Variants in DIP2C observed in about 807,000 individuals in gnomAD.
DIP2C encodes DIP2 acetate--CoA ligase C (putative).
In DIP2C, 33 loss-of-function variants were observed where a neutral mutation model predicts 192.4. That is an observed-to-expected ratio of 0.17 (90% CI 0.13 to 0.23). The LOEUF (loss-of-function observed/expected upper bound fraction) is 0.23. Ranked by LOEUF, DIP2C falls within the 10% of genes least tolerant of loss-of-function variation. DIP2C has a pLI of 1.00. For synonymous variants in DIP2C, 979 were observed against 864.1 expected, an observed-to-expected ratio of 1.13 and a Z score of -2.33; for missense variants, 1,537 against 2,110.1, an observed-to-expected ratio of 0.73 and a Z score of 5.32.
chr10:526,482 G>A (rs183402356), intron 1 of DIP2C, among the ~76,000 whole-genome samples: 2 of 150,144 alleles, frequency 1.3e-5, no homozygotes, highest in East Asian at 2.0e-4. Flanking sequence ...CCCACCAGCT[G>A]TGTCACCGTA....
At chr10:366,028 G>GT (rs574751543) in intron 19 of DIP2C, among the ~76,000 whole-genome samples, 178 of 152,310 alleles carry the variant, frequency 1.2e-3, no homozygotes, top group Non-Finnish European at 2.2e-3. Context: ...AGTGAGAAAA[G>GT]TAACAAAAAG....
chr10:384,759 A>T (rs1015999586), intron 14 of DIP2C, 120 bp from the exon 15 acceptor site: 2 of 950,480 alleles, frequency 2.1e-6, no homozygotes, highest in Admixed American at 3.9e-5. Flanking sequence ...GGAGCGCTGC[A>T]GACACCATGC....
chr10:336,964 GGAGGCCTAGGCAGC>G (rs1435011780), intron 29 of DIP2C, among the ~76,000 whole-genome samples: 5 of 74,106 alleles, frequency 6.7e-5, no homozygotes, highest in Non-Finnish European at 1.6e-4. Flanking sequence ...TGTGTGTTGT[GGAGGCCTAGGCAGC>G]TGTGTGTGTG....
chr10:398,683 G>A (rs1313185621), intron 10 of DIP2C, among the ~76,000 whole-genome samples: 4 of 152,126 alleles, frequency 2.6e-5, no homozygotes, highest in Admixed American at 2.0e-4. Context: ...TAATTACAAT[G>A]GCAAGTTTAG....
At chr10:367,846 A>C (rs904226210) in intron 18 of DIP2C, among the ~76,000 whole-genome samples, 6 of 152,252 alleles carry the variant, frequency 3.9e-5, no homozygotes, top group African/African-American at 1.4e-4. Context: ...AAAACCCCGG[A>C]ACCCAGGGCA....
At chr10:489,262 G>A (rs1176164191) in intron 1 of DIP2C, among the ~76,000 whole-genome samples, 2 of 152,184 alleles carry the variant, frequency 1.3e-5, no homozygotes, top group Non-Finnish European at 2.9e-5. Context: ...TGATAGACTC[G>A]CTGCAGGTTT....
At chr10:413,814 T>C in intron 8 of DIP2C, 99 bp downstream of exon 8, 1 of 1,442,014 alleles carries the variant, frequency 6.9e-7, no homozygotes, top group Non-Finnish European at 9.4e-7. Flanking sequence ...GCCTCGGGAT[T>C]ACCTTAAGTG....
intron 1 of DIP2C, among the ~76,000 whole-genome samples, chr10:499,789 C>A (rs780816448): frequency 6.6e-6 from 1 of 152,194 alleles, no homozygotes; most frequent in Non-Finnish European, 1.5e-5. Flanking sequence ...AGAGCCAAAC[C>A]GTATCATGGG....
intron 1 of DIP2C, among the ~76,000 whole-genome samples, chr10:597,360 C>CG (rs1244431055): frequency 3.3e-4 from 50 of 151,898 alleles, no homozygotes; most frequent in Non-Finnish European, 3.4e-4. Context: ...ACACACACAC[C>CG]GGGCTGGCTC....
At position 419,147 on chromosome 10, in the gene DIP2C, T is replaced by C. The variant is rs1712058960; in HGVS notation, c.657A>G (p.Ile219Met). 6.2e-7 allele frequency: 1 copy of C among 1,614,142 alleles called. No individual in the cohort carries two copies. Among genetic ancestry groups the C allele is most frequent in the Admixed American group, 1.7e-5 (1 of 60,008 alleles). The change falls in exon 6 of 37, where the codon ATA (isoleucine) becomes ATG (methionine). Residue 219 changes from isoleucine to methionine, a missense_variant. By Grantham distance (10) the Ile-to-Met change is conservative (BLOSUM62 1). Coordinates refer to ENST00000280886, the MANE Select transcript of DIP2C (RefSeq NM_014974.3). ...TGGAACCCTGCGGTCTCTCCACCTG[T>C]ATCGAGTGCTCTGAGGTGTACGTGG... ...DVTTYTSEHS[I>M]QVERPQGSTG... is the part of the protein sequence containing the mutation.
chr10:466,414 T>C (rs1290407680), intron 3 of DIP2C, among the ~76,000 whole-genome samples: 1 of 137,146 alleles, frequency 7.3e-6, no homozygotes, highest in Non-Finnish European at 1.6e-5. Context: ...ACTTAAACGT[T>C]AGACCTAAAA....
chr10:377,892 A>G (rs111999736), intron 17 of DIP2C, among the ~76,000 whole-genome samples: 2,100 of 152,328 alleles, frequency 0.014, 53 homozygotes, highest in African/African-American at 0.048. Flanking sequence ...TTACTAAAAT[A>G]TCAGGGTATC....
chr10:344,667 C>T (rs58864432), intron 28 of DIP2C, 142 bp downstream of exon 28: 4 of 686,448 alleles, frequency 5.8e-6, no homozygotes, highest in African/African-American at 3.6e-5. Context: ...CGTGTCATAC[C>T]GTGAATGAAA....
chr10:297,622 G>A (rs111561414), intron 32 of DIP2C, among the ~76,000 whole-genome samples: 13 of 152,316 alleles, frequency 8.5e-5, no homozygotes, highest in African/African-American at 3.1e-4. Context: ...GCTAAAGAAA[G>A]ATGATTTCAT....
intron 1 of DIP2C, among the ~76,000 whole-genome samples, chr10:524,540 A>G: frequency 6.6e-6 from 1 of 152,176 alleles, no homozygotes; most frequent in East Asian, 1.9e-4. Context: ...TGGACGATAA[A>G]CCATAGTTGA....
chr10:568,083 G>C (rs1849553914), intron 1 of DIP2C, among the ~76,000 whole-genome samples: 1 of 152,216 alleles, frequency 6.6e-6, no homozygotes, highest in Non-Finnish European at 1.5e-5. Context: ...ACAGCTGCGT[G>C]AGCTGTCACA....
At chr10:415,520 G>C (rs1358346852) in intron 7 of DIP2C, among the ~76,000 whole-genome samples, 1 of 152,014 alleles carries the variant, frequency 6.6e-6, no homozygotes, top group Non-Finnish European at 1.5e-5. Context: ...AGAGTTCTTA[G>C]AGAGAGACCT....
chr10:518,576 A>G (rs1846507363), intron 1 of DIP2C, among the ~76,000 whole-genome samples: 1 of 152,142 alleles, frequency 6.6e-6, no homozygotes, highest in Non-Finnish European at 1.5e-5. Flanking sequence ...TTGCCCTCCC[A>G]CTGTGTCAGG....
intron 3 of DIP2C, among the ~76,000 whole-genome samples, chr10:451,004 C>T (rs998601202): frequency 1.4e-4 from 22 of 152,180 alleles, no homozygotes; most frequent in African/African-American, 5.1e-4. Context: ...ACGGCATCGT[C>T]TAAATTCAGC....
Sources: allele counts gnomAD v4.1 joint callset (sites outside exome capture counted in the v4.1 genomes callset), GRCh38; gene constraint gnomAD v4.1.1; transcripts MANE v1.5; gene names NCBI Gene and HGNC (gene_info 2026-07-23, HGNC 2026-07-21).